The following STAT5A variants were observed in gnomAD, a reference collection of about 807,000 sequenced individuals.
The protein encoded by STAT5A is signal transducer and activator of transcription 5A.
STAT5A carries 26 observed loss-of-function variants against 100.2 expected under a neutral mutation model. The ratio of observed to expected loss-of-function variants is 0.26; its 90% CI spans 0.19 to 0.36. The LOEUF is 0.36. Ranked by LOEUF, STAT5A falls within the 10% of genes least tolerant of loss-of-function variation. STAT5A has a pLI of 1.00. For synonymous variants in STAT5A, 330 were observed against 424.3 expected, an observed-to-expected ratio of 0.78 and a Z score of 2.73; for missense variants, 634 against 1,027.5, an observed-to-expected ratio of 0.62 and a Z score of 5.24.
chr17:42,301,346 T>C lies in STAT5A; in HGVS notation c.1061T>C (p.Leu354Pro). 1 of 1,614,204 alleles carries C rather than the reference T, an allele frequency of 6.2e-7. No homozygotes were observed. ...ACCAAGTTTGCAGCCACCGTACGCC[T>C]GCTGGTGGGCGGGAAGCTGAACGTG... ...TQTKFAATVR[L>P]LVGGKLNVHM... The change falls in exon 9 of 19, where the codon CTG becomes CCG. Residue 354 changes from leucine (L) to proline (P), a missense_variant. This residue lies in a region of STAT5A where 98 missense variants were observed against 149.7 expected (regional missense o/e 0.65). Coordinates refer to ENST00000590949, the MANE Select transcript of STAT5A (RefSeq NM_001288718.2).
rs768345167 is a variant in STAT5A, at chr17:42,308,396, A to T, written c.2062+63A>T. ...CGGGCTCTTCCCCAGCCCATAGACAAAGCCTTGGGCTGCGCCGTGGGGACT... is the reference window on the plus strand; with the variant it reads ...CGGGCTCTTCCCCAGCCCATAGACATAGCCTTGGGCTGCGCCGTGGGGACT... On this transcript the variant is annotated intron_variant, in intron 16 of 18. Transcript: ENST00000590949. This position sits in a 1 kb window ranked among gnomAD's most constrained non-coding sequence, Gnocchi z 4.6. 1.9e-6 allele frequency: 3 copies of T among 1,607,928 alleles called. No homozygotes were observed. The South Asian group carries it at 3.3e-5, about 18-fold the overall frequency.
intron 4 of STAT5A, among the ~76,000 whole-genome samples, chr17:42,294,714 A>T (rs2080902059): frequency 6.6e-6 from 1 of 152,234 alleles, no homozygotes; most frequent in Non-Finnish European, 1.5e-5. Context: ...TTCAAGGAAC[A>T]GAAACAGAAA....
At chr17:42,305,221 G>A (rs1262259517) in intron 11 of STAT5A, among the ~76,000 whole-genome samples, 1 of 151,850 alleles carries the variant, frequency 6.6e-6, no homozygotes, top group Non-Finnish European at 1.5e-5. Context: ...AGCAGATTGC[G>A]GCCATGGGTG....
rs1567695569 is a variant in STAT5A, at chr17:42,310,500, T to C, written c.2223-7T>C. 1 of 1,614,096 alleles carries C rather than the reference T, an allele frequency of 6.2e-7. No individual in the cohort carries two copies. The highest frequency in any genetic ancestry group is 8.5e-7 in the Non-Finnish European group (1 of 1,179,992). On this transcript the variant is annotated splice_polypyrimidine_tract_variant and splice_region_variant and intron_variant, in intron 18 of 18. Transcript: ENST00000590949. ...AGCTCCCTCTGACATCCCCCTGTCT[T>C]TACCAGCCCTGACCATGTACTCGAT...
In STAT5A at chr17:42,289,524, T is replaced by C; in HGVS notation, c.113T>C (p.Ile38Thr). 1.2e-6 allele frequency: 2 copies of C among 1,612,950 alleles called. No individual in the cohort carries two copies. The highest frequency in any genetic ancestry group is 2.2e-5 in the East Asian group (1 of 44,824). Residue 38 changes from isoleucine (I) to threonine (T), a missense_variant, in exon 2 of 19, where the codon ATT (isoleucine) becomes ACT (threonine). Ile to Thr is a moderately conservative substitution (Grantham distance 89). This residue lies in a region of STAT5A where 207 missense variants were observed against 256.6 expected (regional missense o/e 0.81). Coordinates refer to ENST00000590949, the MANE Select transcript of STAT5A (RefSeq NM_001288718.2). The part of the protein sequence containing the change: ...IEVRHYLAQW[I>T]ESQPWDAIDL... ...GTCCGGCACTACTTGGCCCAGTGGA[T>C]TGAGAGCCAGCCATGGTAGGCACGT...
intron 5 of STAT5A, among the ~76,000 whole-genome samples, chr17:42,299,518 C>T (rs749634579): frequency 1.4e-4 from 22 of 152,180 alleles, no homozygotes; most frequent in Non-Finnish European, 2.5e-4. Context: ...CCCCAGCACC[C>T]GTGTGCCCCC....
intron 12 of STAT5A, 145 bp from the exon 13 acceptor site, chr17:42,306,096 G>A (rs886127149): frequency 2.9e-5 from 41 of 1,424,068 alleles, no homozygotes; most frequent in Admixed American, 8.5e-5. Flanking sequence ...TATAAAAGCC[G>A]CCGCATTTCC....
chr17:42,305,754 C>A, intron 12 of STAT5A, 52 bp downstream of exon 12: 1 of 1,585,338 alleles, frequency 6.3e-7, no homozygotes, highest in Non-Finnish European at 8.6e-7. Context: ...TAGGACTCAC[C>A]TGGGGTCAGC....
At position 42,308,531 on chromosome 17, in the gene STAT5A, G is replaced by A; in HGVS notation, c.2062+198G>A. ...GAGAGGGAACGAGAAACCCGTCCCA[G>A]CTCTCTTCTCTGCAAAGTGAAAGCT... On this transcript the variant is annotated intron_variant, in intron 16 of 18. Coordinates refer to ENST00000590949, the MANE Select transcript of STAT5A (RefSeq NM_001288718.2). This position sits in a 1 kb window ranked among gnomAD's most constrained non-coding sequence, Gnocchi z 4.6. The A allele has an allele frequency of 2.9e-6, 2 of 682,884 alleles. No individual in the cohort carries two copies. Among genetic ancestry groups the A allele is most frequent in the Non-Finnish European group, 4.8e-6 (2 of 414,228 alleles). 42.3% of individuals were successfully genotyped at this position (682,884 alleles called of 1,614,324 possible). A position where few individuals can be genotyped will look rare whatever the true frequency, so the allele number is the denominator to read the frequency against.
chr17:42,287,645 G>A (rs576043307), upstream of STAT5A: 1 of 152,508 alleles, frequency 6.6e-6, no homozygotes, highest in South Asian at 2.1e-4. Flanking sequence ...GGTAGAACCA[G>A]CCTCATAAGT....
At chr17:42,291,872 C>G in intron 3 of STAT5A, 100 bp from the exon 4 acceptor site, 6 of 1,294,172 alleles carry the variant, frequency 4.6e-6, no homozygotes, top group Non-Finnish European at 6.5e-6. Flanking sequence ...CTGGGAAAAG[C>G]TGAGGCAGAG....
In STAT5A at chr17:42,295,745, A is replaced by T; in HGVS notation, c.502A>T (p.Thr168Ser). The T allele has an allele frequency of 6.2e-7, 1 of 1,614,012 alleles. No homozygotes were observed. The highest frequency in any genetic ancestry group is 8.5e-7 in the Non-Finnish European group (1 of 1,179,984). ...TENELKKLQQ[T>S]QEYFIIQYQE... ...GAATGAGCTGAAGAAACTGCAGCAGACTCAGGAGTACTTCATCATCCAGTA... is the reference window on the plus strand; with the variant it reads ...GAATGAGCTGAAGAAACTGCAGCAGTCTCAGGAGTACTTCATCATCCAGTA... The change falls in exon 5 of 19, where the codon ACT becomes TCT. Residue 168 changes from threonine to serine, a missense_variant. Thr to Ser is a moderately conservative substitution (Grantham distance 58). This residue lies in a region of STAT5A where 207 missense variants were observed against 256.6 expected (regional missense o/e 0.81). Transcript: ENST00000590949.
Position 42,292,050 on chromosome 17 carries a change from G to A in STAT5A, c.364G>A (p.Glu122Lys). The A allele has an allele frequency of 6.2e-7, 1 of 1,613,986 alleles. No individual in the cohort carries two copies. Among genetic ancestry groups the A allele is most frequent in the Non-Finnish European group, 8.5e-7 (1 of 1,179,898 alleles). ...GTACAATGAACAGAGGCTGGTCCGA[G>A]AAGCCAACAATGTGAGTGTCCCTTG... ...ILYNEQRLVREANNCSSPAGI... is the reference protein window; with the variant it reads ...ILYNEQRLVRKANNCSSPAGI... The change falls in exon 4 of 19, where the codon GAA becomes AAA. Residue 122 changes from glutamate to lysine, a missense_variant. By Grantham distance (56) the Glu-to-Lys change is moderately conservative. Around this residue, in one of 5 missense-constraint regions of STAT5A, gnomAD observed 207 missense variants for 256.6 expected, o/e 0.81. Transcript: ENST00000590949.
chr17:42,309,570 A>T, intron 18 of STAT5A, 86 bp downstream of exon 18: 1 of 1,412,366 alleles, frequency 7.1e-7, no homozygotes, highest in South Asian at 1.3e-5. Context: ...CGGGCAAAGG[A>T]TCCAGAGCTC....
chr17:42,306,407 A>G lies in STAT5A; in HGVS notation c.1640A>G (p.Asp547Gly). The G allele has an allele frequency of 1.2e-6, 2 of 1,613,992 alleles. No individual in the cohort carries two copies. The highest frequency in any genetic ancestry group is 2.2e-5 in the East Asian group (1 of 44,876). ...AACAACAGCAGCAGCCACCTGGAGG[A>G]CTACAGTGGCCTGTCCGTGTCCTGG... ...LFNNSSSHLE[D>G]YSGLSVSWSQ... The change falls in exon 13 of 19, where the codon GAC becomes GGC. Residue 547 changes from aspartate to glycine, a missense_variant. Transcript: ENST00000590949.
Position 42,304,432 on chromosome 17 carries a change from G to A in STAT5A, c.1257+3G>A. On this transcript the variant is annotated splice_donor_region_variant and intron_variant, in intron 10 of 18. Coordinates refer to ENST00000590949, the MANE Select transcript of STAT5A (RefSeq NM_001288718.2). This position sits in a 1 kb window ranked among gnomAD's most constrained non-coding sequence, Gnocchi z 4.8. ...TCAGTGCCCACTTCAGGAACATGGT[G>A]AGGACGGGGCCCACCCTCGGAGGGC... is the stretch of plus-strand genomic sequence containing the variant. 1 of 1,614,254 alleles carries A rather than the reference G, an allele frequency of 6.2e-7. No homozygotes were observed. The highest frequency in any genetic ancestry group is 8.5e-7 in the Non-Finnish European group (1 of 1,180,036).
intron 9 of STAT5A, among the ~76,000 whole-genome samples, chr17:42,301,940 C>T (rs1048628654): frequency 3.9e-5 from 6 of 151,952 alleles, no homozygotes; most frequent in African/African-American, 7.3e-5. Context: ...AGGCCACGGT[C>T]GGAGGATCAC....
At chr17:42,298,644 T>C (rs1443699178) in intron 5 of STAT5A, among the ~76,000 whole-genome samples, 5 of 152,106 alleles carry the variant, frequency 3.3e-5, no homozygotes, top group Non-Finnish European at 7.4e-5. Context: ...GCTAATTTTT[T>C]GTGTTTTTAG....
intron 1 of STAT5A, among the ~76,000 whole-genome samples, chr17:42,289,046 G>A (rs2080842204): frequency 6.6e-6 from 1 of 152,242 alleles, no homozygotes; most frequent in African/African-American, 2.4e-5. Context: ...TGGGCTGGGG[G>A]ATCCTTGCAG....
Sources: allele counts gnomAD v4.1 joint callset (sites outside exome capture counted in the v4.1 genomes callset), GRCh38; gene constraint gnomAD v4.1.1; regional missense constraint gnomAD v4.1.1; non-coding constraint Gnocchi (gnomAD v3.1); transcripts MANE v1.5; gene names NCBI Gene and HGNC (gene_info 2026-07-23, HGNC 2026-07-21).